The following MBTPS1 variants were observed in gnomAD, a reference collection of about 807,000 sequenced individuals.
MBTPS1 encodes membrane bound transcription factor peptidase, site 1.
Under a neutral mutation model 127.8 loss-of-function variants are expected in MBTPS1, and 94 were observed. That is an observed-to-expected ratio of 0.74 (90% confidence interval 0.62 to 0.87). MBTPS1 has a LOEUF of 0.87. MBTPS1 is among the 40% of genes least tolerant of loss of function. The probability of loss-of-function intolerance (pLI) is 0.00; values close to 1 mark genes in which losing one functional copy is unlikely to be tolerated. For missense variants in MBTPS1, 1,636 were observed against 1,353.2 expected (o/e 1.21, Z -3.28); for synonymous variants, 632 against 509.4 (o/e 1.24, Z -3.24).
chr16:84,114,074 C>G (rs985451281), intron 1 of MBTPS1, among the ~76,000 whole-genome samples: 8 of 151,670 alleles, frequency 5.3e-5, no homozygotes, highest in Non-Finnish European at 1.2e-4. Flanking sequence ...AAGCGATTCT[C>G]CTGCCTCAGC....
At chr16:84,070,451 C>T in intron 13 of MBTPS1, 137 bp downstream of exon 13, 1 of 844,132 alleles carries the variant, frequency 1.2e-6, no homozygotes, top group Non-Finnish European at 1.8e-6. Flanking sequence ...GCCCTGGAAC[C>T]ATCAATTGTG....
intron 7 of MBTPS1, among the ~76,000 whole-genome samples, chr16:84,091,379 G>C (rs1483033653): frequency 6.6e-6 from 1 of 151,440 alleles, no homozygotes; most frequent in Non-Finnish European, 1.5e-5. Flanking sequence ...CCGGCTACTT[G>C]GGAGGCTGAG....
intron 12 of MBTPS1, among the ~76,000 whole-genome samples, chr16:84,072,400 C>T (rs769457604): frequency 6.6e-6 from 1 of 152,182 alleles, no homozygotes; most frequent in Non-Finnish European, 1.5e-5. Flanking sequence ...TCTGAATATA[C>T]TAAAACCCAC....
Position 84,102,577 on chromosome 16 carries a change from G to A in MBTPS1, c.-324-470C>T, listed in dbSNP as rs373653265. ...ACCTGAGCATTCTAGCAGCCAAAGA[G>A]AAGAAGGCATCAGGATGATCCTTTG... On this transcript the variant is annotated intron_variant, in intron 1 of 22. Coordinates refer to ENST00000343411, the MANE Select transcript of MBTPS1 (RefSeq NM_003791.4). 1.2e-4 allele frequency among the ~76,000 whole-genome samples: 18 copies of A among 152,254 alleles called. No homozygotes were observed. The East Asian group carries it at 3.3e-3, about 28-fold the overall frequency.
At chr16:84,091,310 AC>A (rs1414715396) in intron 7 of MBTPS1, among the ~76,000 whole-genome samples, 1 of 151,954 alleles carries the variant, frequency 6.6e-6, no homozygotes, top group Non-Finnish European at 1.5e-5. Flanking sequence ...ATTCGGTGAA[AC>A]CCCGTCTCTA....
At chr16:84,067,948 C>G (rs1437285920) in intron 15 of MBTPS1, 125 bp from the exon 16 acceptor site, 1 of 820,182 alleles carries the variant, frequency 1.2e-6, no homozygotes, top group African/African-American at 1.7e-5. Flanking sequence ...GTTTGTGCCA[C>G]CCTGTACCAC....
intron 2 of MBTPS1, among the ~76,000 whole-genome samples, chr16:84,100,700 C>G (rs1461028254): frequency 1.3e-5 from 2 of 152,064 alleles, no homozygotes; most frequent in Admixed American, 6.5e-5. Context: ...GCACTCCAGC[C>G]TGGGCGACAA....
intron 18 of MBTPS1, among the ~76,000 whole-genome samples, chr16:84,065,192 A>G (rs1427819093): frequency 3.3e-5 from 5 of 151,578 alleles, no homozygotes; most frequent in Non-Finnish European, 5.9e-5. Flanking sequence ...ATCTTGGGTA[A>G]CTGCAACCTC....
At chr16:84,059,636 G>T in intron 20 of MBTPS1, 1 of 462,230 alleles carries the variant, frequency 2.2e-6, no homozygotes. Flanking sequence ...GCTGAAGGTG[G>T]GTGAGAAAAT....
intron 10 of MBTPS1, 60 bp downstream of exon 10, chr16:84,084,923 T>C: frequency 6.4e-7 from 1 of 1,565,972 alleles, no homozygotes; most frequent in African/African-American, 1.4e-5. Context: ...CCTGCTCTGC[T>C]GGCACCGAGT....
In MBTPS1 at chr16:84,091,762, C is replaced by T. The variant is rs756775324; in HGVS notation, c.933G>A (p.Pro311=). 5.0e-6 allele frequency: 8 copies of T among 1,613,882 alleles called. No individual in the cohort carries two copies. The highest frequency in any genetic ancestry group is 3.3e-5 in the Admixed American group (2 of 59,982). ...IDVLNLSIGG[P]DFMDHPFVDK... ...CAACAAACGGATGATCCATGAAGTC[C>T]GGGCCGCCGATGCTGAGGTTTAACA... is the stretch of plus-strand genomic sequence containing the variant. Residue 311 remains proline (P), a synonymous_variant, in exon 7 of 23, where the codon CCG becomes CCA. Coordinates refer to ENST00000343411, the MANE Select transcript of MBTPS1 (RefSeq NM_003791.4).
At position 84,060,667 on chromosome 16, in the gene MBTPS1, T is replaced by A. The variant is rs756014062; in HGVS notation, c.2704+15A>T. 2 of 1,610,074 alleles carry A rather than the reference T, an allele frequency of 1.2e-6. No homozygotes were observed. The highest frequency in any genetic ancestry group is 3.3e-5 in the Admixed American group (2 of 59,876). On this transcript the variant is annotated intron_variant, in intron 20 of 22. Coordinates refer to ENST00000343411, the MANE Select transcript of MBTPS1 (RefSeq NM_003791.4). ...ATCCAATTCCCTCCCCAAGGCATCC[T>A]GCCCATCCACTCACCTTCCATCCTC...
At chr16:84,086,896 G>A (rs970018801) in intron 9 of MBTPS1, among the ~76,000 whole-genome samples, 5 of 152,166 alleles carry the variant, frequency 3.3e-5, no homozygotes, top group Admixed American at 3.3e-4. Context: ...AATTTGTCCA[G>A]CTAAATACAA....
At chr16:84,077,197 C>T (rs2085868727) in intron 11 of MBTPS1, among the ~76,000 whole-genome samples, 1 of 146,768 alleles carries the variant, frequency 6.8e-6, no homozygotes, top group Non-Finnish European at 1.5e-5. Context: ...TACACTCCAG[C>T]CTGAGCCACA....
chr16:84,089,827 G>A (rs2086079044), intron 8 of MBTPS1, among the ~76,000 whole-genome samples: 1 of 152,210 alleles, frequency 6.6e-6, no homozygotes, highest in Non-Finnish European at 1.5e-5. Flanking sequence ...ACTCTGAACC[G>A]ATGAGTGCCA....
At chr16:84,075,562 C>G (rs2085843507) in intron 11 of MBTPS1, 1 of 152,286 alleles carries the variant, frequency 6.6e-6, no homozygotes, top group Admixed American at 6.5e-5. Flanking sequence ...TACGTGGATC[C>G]TGCTTCTCAA....
At chr16:84,080,834 C>G (rs2085929819) in intron 11 of MBTPS1, among the ~76,000 whole-genome samples, 1 of 152,222 alleles carries the variant, frequency 6.6e-6, no homozygotes, top group South Asian at 2.1e-4. Context: ...CTTCAGAGGC[C>G]CTCACTCCCC....
chr16:84,068,376 G>A lies in MBTPS1; in HGVS notation c.2034C>T (p.Leu678=), dbSNP rs747037491. 3.2e-5 allele frequency: 51 copies of A among 1,614,038 alleles called. No homozygotes were observed. Among genetic ancestry groups the A allele is most frequent in the South Asian group, 5.5e-5 (5 of 91,086 alleles). ...LRSMGYFVEV[L]GAPFTCFDAS... ...CATCAAAACACGTGAAGGGGGCCCC[G>A]AGGACCTCTACAAAGTAGCCCATGC... The change falls in exon 15 of 23, where the codon CTC becomes CTT. Residue 678 remains leucine (L), a synonymous_variant. Coordinates refer to ENST00000343411, the MANE Select transcript of MBTPS1 (RefSeq NM_003791.4).
At chr16:84,069,576 G>C (rs28706499) in intron 14 of MBTPS1, among the ~76,000 whole-genome samples, 22,033 of 152,206 alleles carry the variant, frequency 0.14, 1,861 homozygotes, top group Non-Finnish European at 0.2. Flanking sequence ...GAGATGGAAG[G>C]ATCCAGGATG....
Sources: allele counts gnomAD v4.1 joint callset (sites outside exome capture counted in the v4.1 genomes callset), GRCh38; gene constraint gnomAD v4.1.1; transcripts MANE v1.5; gene names NCBI Gene and HGNC (gene_info 2026-07-23, HGNC 2026-07-21).